The following CSTPP1 variants were observed in gnomAD, a reference collection of about 807,000 sequenced individuals.
The protein encoded by CSTPP1 is centriolar satellite-associated tubulin polyglutamylase complex regulator 1.
the CSTPP1 span, among the ~76,000 whole-genome samples, chr11:47,083,704 C>T: frequency 1.3e-5 from 2 of 152,246 alleles, no homozygotes; most frequent in South Asian, 4.1e-4. Context: ...TGATGTCGAA[C>T]ATCTTTTTAC....
the CSTPP1 span, among the ~76,000 whole-genome samples, chr11:47,163,075 C>G: frequency 6.6e-6 from 1 of 151,502 alleles, no homozygotes; most frequent in Non-Finnish European, 1.5e-5. Context: ...CTTGGGAGAC[C>G]CGAGGTAGAT....
the CSTPP1 span, among the ~76,000 whole-genome samples, chr11:46,943,083 CT>C: frequency 6.6e-6 from 1 of 151,890 alleles, no homozygotes; most frequent in Non-Finnish European, 1.5e-5. Flanking sequence ...CACTGTATAC[CT>C]TCTATCATTG....
chr11:47,103,144 TCCCA>T, the CSTPP1 span, among the ~76,000 whole-genome samples: 11 of 152,064 alleles, frequency 7.2e-5, no homozygotes, highest in Non-Finnish European at 1.3e-4. Flanking sequence ...ATGCCTATAA[TCCCA>T]GCACTTTGGG....
chr11:47,131,578 G>T, the CSTPP1 span, among the ~76,000 whole-genome samples: 1 of 152,154 alleles, frequency 6.6e-6, no homozygotes, highest in Non-Finnish European at 1.5e-5. Context: ...TTTGAGTCAG[G>T]GCAGTGCTTA....
chr11:46,968,438 A>T, the CSTPP1 span, among the ~76,000 whole-genome samples: 4 of 147,594 alleles, frequency 2.7e-5, no homozygotes, highest in Admixed American at 6.8e-5. Flanking sequence ...ATATATACAT[A>T]TATATGTTTA....
the CSTPP1 span, among the ~76,000 whole-genome samples, chr11:47,081,935 CTTTT>C: frequency 4.5e-5 from 6 of 133,292 alleles, no homozygotes; most frequent in Non-Finnish European, 4.9e-5. Context: ...ACAAAAAAAC[CTTTT>C]TTTTTTTTTT....
At chr11:47,018,589 A>G in the CSTPP1 span, among the ~76,000 whole-genome samples, 5 of 152,138 alleles carry the variant, frequency 3.3e-5, no homozygotes, top group African/African-American at 1.2e-4. Flanking sequence ...CACTACGCCC[A>G]GCCATGTTTA....
chr11:47,079,974 G>C, the CSTPP1 span, among the ~76,000 whole-genome samples: 2 of 152,130 alleles, frequency 1.3e-5, no homozygotes, highest in Middle Eastern at 3.4e-3. Flanking sequence ...GCACACACCT[G>C]TAATCCCAGC....
chr11:46,941,641 A>G, the CSTPP1 span, among the ~76,000 whole-genome samples: 2 of 152,032 alleles, frequency 1.3e-5, no homozygotes, highest in Admixed American at 1.3e-4. Flanking sequence ...CGCCTGGCCA[A>G]CCTATTCACC....
the CSTPP1 span, among the ~76,000 whole-genome samples, chr11:46,967,074 A>G: frequency 1.3e-5 from 2 of 152,080 alleles, no homozygotes; most frequent in Admixed American, 1.3e-4. Flanking sequence ...TGTAACATCA[A>G]ATTTTTTCTT....
chr11:46,989,851 T>C, the CSTPP1 span, among the ~76,000 whole-genome samples: 2 of 151,404 alleles, frequency 1.3e-5, no homozygotes, highest in African/African-American at 4.9e-5. Context: ...TTCATGTCCA[T>C]GAATGCTCAA....
chr11:47,016,507 G>A, the CSTPP1 span, among the ~76,000 whole-genome samples: 1 of 151,654 alleles, frequency 6.6e-6, no homozygotes, highest in African/African-American at 2.4e-5. Flanking sequence ...AAGAACAATT[G>A]GAAATTTAAA....
the CSTPP1 span, among the ~76,000 whole-genome samples, chr11:47,029,053 C>G: frequency 6.6e-6 from 1 of 151,840 alleles, no homozygotes; most frequent in East Asian, 1.9e-4. Context: ...CTATGTTGCC[C>G]AAGCTGATCT....
At chr11:47,134,569 G>A in the CSTPP1 span, among the ~76,000 whole-genome samples, 2 of 152,140 alleles carry the variant, frequency 1.3e-5, no homozygotes, top group Non-Finnish European at 2.9e-5. Flanking sequence ...AGCACAAAGG[G>A]CTGTGAGAAG....
the CSTPP1 span, among the ~76,000 whole-genome samples, chr11:47,009,940 A>G: frequency 1.4e-4 from 22 of 152,342 alleles, no homozygotes; most frequent in Admixed American, 1.2e-3. Context: ...TAGTTATCAT[A>G]TGCCAATCAC....
At chr11:47,026,954 TGTTTC>T in the CSTPP1 span, among the ~76,000 whole-genome samples, 3 of 152,296 alleles carry the variant, frequency 2.0e-5, no homozygotes, top group South Asian at 6.2e-4. Flanking sequence ...TTTGTTTGTT[TGTTTC>T]TTCTTTTATT....
the CSTPP1 span, chr11:46,987,355 C>G: frequency 6.7e-7 from 1 of 1,493,686 alleles, no homozygotes; most frequent in African/African-American, 1.4e-5. Context: ...CCAGAGGAGG[C>G]GCTTGGAAGC....
the CSTPP1 span, among the ~76,000 whole-genome samples, chr11:46,995,664 T>TTTTACATTTGCTGAGGAGTGC: frequency 2.0e-5 from 3 of 152,184 alleles, no homozygotes; most frequent in African/African-American, 7.2e-5. Context: ...ATTTCTGGTG[T>TTTTACATTTGCTGAGGAGTGC]TTTACATTTG....
chr11:47,131,105 C>T, the CSTPP1 span, among the ~76,000 whole-genome samples: 6 of 152,256 alleles, frequency 3.9e-5, no homozygotes, highest in East Asian at 1.2e-3. Flanking sequence ...CCCATTTCAT[C>T]CCCCATAAAT....
Sources: allele counts gnomAD v4.1 joint callset (sites outside exome capture counted in the v4.1 genomes callset), GRCh38; gene constraint gnomAD v4.1.1; transcripts MANE v1.5; gene names NCBI Gene and HGNC (gene_info 2026-07-23, HGNC 2026-07-21).